The following POU2F1 variants were observed in gnomAD, a reference collection of about 807,000 sequenced individuals.
The protein encoded by POU2F1 is POU class 2 homeobox 1.
Under a neutral mutation model 84.9 loss-of-function variants are expected in POU2F1, and 16 were observed. That is an observed-to-expected ratio of 0.19 (90% CI 0.13 to 0.29). POU2F1 has a LOEUF of 0.29. Among genes scored for constraint, POU2F1 ranks in the 10% least tolerant of loss-of-function variants. POU2F1 has a pLI of 1.00. For missense variants in POU2F1, 738 were observed against 942.6 expected, an observed-to-expected ratio of 0.78 and a Z score of 2.84; for synonymous variants, 368 against 368.3, an observed-to-expected ratio of 1.00 and a Z score of 0.01.
chr1:167,393,086 A>T (rs2101900026), intron 9 of POU2F1, among the ~76,000 whole-genome samples: 1 of 152,368 alleles, frequency 6.6e-6, no homozygotes, highest in Non-Finnish European at 1.5e-5. Flanking sequence ...CACATGTGGT[A>T]CATTCATTAT....
intron 15 of POU2F1, 106 bp from the exon 16 acceptor site, chr1:167,415,394 C>G: frequency 1.6e-6 from 2 of 1,268,042 alleles, no homozygotes; most frequent in Admixed American, 2.2e-5. Flanking sequence ...ATACTTTTTC[C>G]TGGTGGGTTG....
Position 167,396,242 on chromosome 1 carries a change from C to T in POU2F1, c.988-44C>T, listed in dbSNP as rs571459874. 4.4e-6 allele frequency: 7 copies of T among 1,606,188 alleles called. No homozygotes were observed. The South Asian group carries it at 7.8e-5, about 18-fold the overall frequency. On this transcript the variant is annotated intron_variant, in intron 9 of 15. Transcript: ENST00000367866. ...AAGGCTTTAAGCACTGGTGAGATAA[C>T]TCTGTCTTTCCTCTCCTCTTCTCCT...
intron 7 of POU2F1, among the ~76,000 whole-genome samples, chr1:167,378,426 G>A (rs1660477053): frequency 7.5e-6 from 1 of 133,930 alleles, no homozygotes; most frequent in Non-Finnish European, 1.6e-5. Context: ...TTTTTTTTGA[G>A]ACATAGTTTC....
intron 13 of POU2F1, among the ~76,000 whole-genome samples, chr1:167,410,084 G>A (rs1356347713): frequency 1.3e-5 from 2 of 152,210 alleles, no homozygotes; most frequent in African/African-American, 4.8e-5. Context: ...AAGAAGTAAT[G>A]AACGAAAATA....
At chr1:167,337,905 G>A (rs1025486773) in intron 2 of POU2F1, 3 of 344,466 alleles carry the variant, frequency 8.7e-6, no homozygotes, top group East Asian at 7.7e-5. Context: ...AGATGCAATC[G>A]GGTTTATGAT....
intron 1 of POU2F1, among the ~76,000 whole-genome samples, chr1:167,235,348 A>G (rs1295754182): frequency 6.6e-6 from 1 of 152,228 alleles, no homozygotes; most frequent in Non-Finnish European, 1.5e-5. Context: ...CATTAGTTAG[A>G]AAGGAATTGG....
chr1:167,415,813 T>G lies in POU2F1; in HGVS notation c.*3T>G. 6.2e-7 allele frequency: 1 copy of G among 1,608,054 alleles called. No individual in the cohort carries two copies. ...CCACCGCCTCCAAGGCACAGTGAGC[T>G]GGGCAGAGCTGGGCTGCCAGAAGCC... On this transcript the variant is annotated 3_prime_UTR_variant, in exon 16 of 16. Coordinates refer to ENST00000367866, the MANE Select transcript of POU2F1 (RefSeq NM_002697.4).
intron 2 of POU2F1, among the ~76,000 whole-genome samples, chr1:167,357,801 ATTT>A (rs71572451): frequency 2.5e-5 from 3 of 119,220 alleles, no homozygotes; most frequent in Admixed American, 8.3e-5. Flanking sequence ...TTATTAATTG[ATTT>A]TTTTTTTTTT....
At chr1:167,350,977 A>T (rs1658520270) in intron 2 of POU2F1, among the ~76,000 whole-genome samples, 1 of 151,820 alleles carries the variant, frequency 6.6e-6, no homozygotes, top group Non-Finnish European at 1.5e-5. Context: ...CAGCCTGGGC[A>T]ACAAAAGCGA....
intron 1 of POU2F1, among the ~76,000 whole-genome samples, chr1:167,253,986 T>A (rs1174264352): frequency 6.6e-6 from 1 of 152,210 alleles, no homozygotes; most frequent in African/African-American, 2.4e-5. Flanking sequence ...ATTGGTTTGT[T>A]TTTTGACTAG....
intron 6 of POU2F1, among the ~76,000 whole-genome samples, chr1:167,375,711 T>C (rs1428454311): frequency 6.6e-6 from 1 of 152,238 alleles, no homozygotes; most frequent in Non-Finnish European, 1.5e-5. Flanking sequence ...TCACTTGATT[T>C]TTAAAACCCA....
At chr1:167,389,484 A>G (rs1049009604) in intron 8 of POU2F1, 104 bp from the exon 9 acceptor site, 34 of 1,246,732 alleles carry the variant, frequency 2.7e-5, no homozygotes, top group East Asian at 2.2e-4. Flanking sequence ...CATGGTCTTC[A>G]TCGTTATCCA....
chr1:167,245,837 G>A lies in POU2F1; in HGVS notation c.61+24879G>A, dbSNP rs188276425. Among the ~76,000 whole-genome samples the A allele has an allele frequency of 6.8e-3, 1,038 of 152,304 alleles. 13 individuals are homozygous for A. The highest frequency in any genetic ancestry group is 0.023 in the African/African-American group (976 of 41,558). ...CTCCCAAAGTGTTGGAATTACAGGCGTGAGCCACTGTCCGTGGCTCAACTC... is the reference window on the plus strand; with the variant it reads ...CTCCCAAAGTGTTGGAATTACAGGCATGAGCCACTGTCCGTGGCTCAACTC... On this transcript the variant is annotated intron_variant, in intron 1 of 15. Transcript: ENST00000367866.
intron 1 of POU2F1, among the ~76,000 whole-genome samples, chr1:167,297,001 C>T (rs975398701): frequency 2.6e-5 from 4 of 151,924 alleles, no homozygotes; most frequent in Non-Finnish European, 5.9e-5. Flanking sequence ...GCTTATATAA[C>T]TAAGATAACT....
intron 7 of POU2F1, chr1:167,379,807 A>G (rs188477785): frequency 6.6e-4 from 101 of 152,286 alleles, no homozygotes; most frequent in African/African-American, 2.4e-3. Context: ...CATATCTGGG[A>G]CCTCATTTTA....
At chr1:167,274,907 C>CT (rs1652616431) in intron 1 of POU2F1, among the ~76,000 whole-genome samples, 4 of 152,064 alleles carry the variant, frequency 2.6e-5, no homozygotes, top group Admixed American at 2.6e-4. Context: ...TGTTTTCCAC[C>CT]TTTTTTGTTG....
chr1:167,337,568 G>A (rs907612699), intron 2 of POU2F1, among the ~76,000 whole-genome samples: 2 of 152,048 alleles, frequency 1.3e-5, no homozygotes, highest in East Asian at 1.9e-4. Context: ...TTCTGCCAAC[G>A]AAGAGGCAGC....
intron 7 of POU2F1, among the ~76,000 whole-genome samples, chr1:167,378,173 A>G (rs1041005636): frequency 1.8e-4 from 27 of 152,266 alleles, no homozygotes; most frequent in Non-Finnish European, 3.4e-4. Context: ...AGCAGTGTAT[A>G]AGTGTTCCCT....
chr1:167,237,762 ATATATATATATTTTTTTTTTTTT>A (rs1426250139), intron 1 of POU2F1, among the ~76,000 whole-genome samples: 3 of 20,000 alleles, frequency 1.5e-4, no homozygotes, highest in Non-Finnish European at 2.5e-4. Context: ...ATATATATAT[ATATATATATATTTTTTTTTTTTT>A]TTTTTTTTTT....
Sources: allele counts gnomAD v4.1 joint callset (sites outside exome capture counted in the v4.1 genomes callset), GRCh38; gene constraint gnomAD v4.1.1; transcripts MANE v1.5; gene names NCBI Gene and HGNC (gene_info 2026-07-23, HGNC 2026-07-21).